Variants in PGM1 observed in about 807,000 individuals in gnomAD.
The protein encoded by PGM1 is phosphoglucomutase-1.
In PGM1, 52 loss-of-function variants were observed where a neutral mutation model predicts 55.6. The observed-to-expected ratio is 0.94, with a 90% CI of 0.75 to 1.18. PGM1 has a LOEUF of 1.18. Among genes scored for constraint, PGM1 ranks in the 50% most tolerant of loss-of-function variants. The pLI is 0.00. For synonymous variants in PGM1, 287 were observed against 271.7 expected, an observed-to-expected ratio of 1.06 and a Z score of -0.55; for missense variants, 724 against 729.3, an observed-to-expected ratio of 0.99 and a Z score of 0.08.
intron 7 of PGM1, among the ~76,000 whole-genome samples, chr1:63,641,647 A>T (rs961912308): frequency 6.6e-6 from 1 of 152,184 alleles, no homozygotes; most frequent in African/African-American, 2.4e-5. Flanking sequence ...GAGTGGGCCA[A>T]ATCCCCTGAT....
chr1:63,626,590 G>T (rs1469942505), intron 1 of PGM1, among the ~76,000 whole-genome samples: 1 of 147,410 alleles, frequency 6.8e-6, no homozygotes, highest in East Asian at 2.0e-4. Flanking sequence ...TTATCCTTAT[G>T]ACCTGGCAGT....
intron 1 of PGM1, among the ~76,000 whole-genome samples, chr1:63,609,320 A>G (rs1648506196): frequency 6.6e-6 from 1 of 152,226 alleles, no homozygotes; most frequent in African/African-American, 2.4e-5. Flanking sequence ...AGCTGCAAGA[A>G]ATGTATGCTG....
intron 1 of PGM1, among the ~76,000 whole-genome samples, chr1:63,594,449 CG>C (rs1647978096): frequency 6.6e-6 from 1 of 151,964 alleles, no homozygotes; most frequent in Non-Finnish European, 1.5e-5. Flanking sequence ...GTTCCACCGA[CG>C]GGGCTGGAGC....
At chr1:63,607,979 A>G (rs1026443951) in intron 1 of PGM1, among the ~76,000 whole-genome samples, 1 of 152,216 alleles carries the variant, frequency 6.6e-6, no homozygotes, top group Non-Finnish European at 1.5e-5. Context: ...TTCTCAAAGG[A>G]TGAGATTTGT....
At chr1:63,628,059 A>T (rs1211719704) in intron 1 of PGM1, among the ~76,000 whole-genome samples, 1 of 152,210 alleles carries the variant, frequency 6.6e-6, no homozygotes, top group Non-Finnish European at 1.5e-5. Flanking sequence ...GGGCAGGATC[A>T]TGATAACTCT....
At chr1:63,618,690 A>G (rs1280165178) in intron 1 of PGM1, among the ~76,000 whole-genome samples, 1 of 152,170 alleles carries the variant, frequency 6.6e-6, no homozygotes, top group Non-Finnish European at 1.5e-5. Context: ...TTACCTTTCC[A>G]GTTGAATTGG....
chr1:63,609,522 C>T (rs1265051152), intron 1 of PGM1, among the ~76,000 whole-genome samples: 1 of 152,154 alleles, frequency 6.6e-6, no homozygotes, highest in Non-Finnish European at 1.5e-5. Context: ...GGTGCGAATT[C>T]TATTACAGTC....
intron 7 of PGM1, among the ~76,000 whole-genome samples, chr1:63,647,970 G>T (rs757588051): frequency 6.6e-6 from 1 of 152,138 alleles, no homozygotes; most frequent in Non-Finnish European, 1.5e-5. Flanking sequence ...ACTTTGGGAA[G>T]CATCAATTTC....
chr1:63,596,448 G>A (rs1024905521), intron 1 of PGM1, among the ~76,000 whole-genome samples: 1 of 151,522 alleles, frequency 6.6e-6, no homozygotes, highest in Non-Finnish European at 1.5e-5. Flanking sequence ...GTAGAGATGA[G>A]GTTTCACCAT....
Position 63,633,320 on chromosome 1 carries a change from TGAG to T in PGM1, c.683-1504_683-1502del, listed in dbSNP as rs1424246987. On this transcript the variant is annotated intron_variant, in intron 4 of 10. Transcript: ENST00000371084. The stretch of plus-strand genomic sequence containing the variant: ...TGGGCTGGCTGGATAATGGGGCATG[TGAG>T]GAGGGCATTGGGTAAGAGGAGCTTC... Among the ~76,000 whole-genome samples, 5 of 152,280 alleles carry T rather than the reference TGAG, an allele frequency of 3.3e-5. No individual in the cohort carries two copies. The South Asian group carries it at 6.2e-4, about 19-fold the overall frequency.
intron 1 of PGM1, among the ~76,000 whole-genome samples, chr1:63,624,812 C>G (rs1158294083): frequency 6.6e-6 from 1 of 152,090 alleles, no homozygotes; most frequent in South Asian, 2.1e-4. Context: ...TAAAGCAAAA[C>G]AAAATAAAAT....
At chr1:63,598,487 G>A (rs1194042440) in intron 1 of PGM1, among the ~76,000 whole-genome samples, 1 of 152,060 alleles carries the variant, frequency 6.6e-6, no homozygotes, top group Non-Finnish European at 1.5e-5. Flanking sequence ...TGAGACGTCT[G>A]CAATCTCAGT....
chr1:63,617,561 G>T (rs1472402005), intron 1 of PGM1, among the ~76,000 whole-genome samples: 2 of 151,810 alleles, frequency 1.3e-5, no homozygotes, highest in Admixed American at 1.3e-4. Context: ...ACCAAAATTA[G>T]CAGGGCATGG....
intron 4 of PGM1, among the ~76,000 whole-genome samples, chr1:63,633,932 A>ATAT (rs1649284557): frequency 1.7e-4 from 6 of 35,360 alleles, no homozygotes; most frequent in Admixed American, 4.1e-4. Flanking sequence ...ATATATATAT[A>ATAT]TTTTTTTTTT....
chr1:63,615,956 T>G (rs1264901622), intron 1 of PGM1, among the ~76,000 whole-genome samples: 1 of 152,004 alleles, frequency 6.6e-6, no homozygotes. Flanking sequence ...CAGAGGTGAG[T>G]GAAGCACTGC....
intron 9 of PGM1, among the ~76,000 whole-genome samples, chr1:63,652,191 G>C (rs1452862618): frequency 6.6e-6 from 1 of 152,200 alleles, no homozygotes; most frequent in African/African-American, 2.4e-5. Context: ...GAAAGAGGGA[G>C]AACTGTGGGA....
At chr1:63,645,068 C>T (rs928234104) in intron 7 of PGM1, among the ~76,000 whole-genome samples, 2 of 152,182 alleles carry the variant, frequency 1.3e-5, no homozygotes, top group African/African-American at 4.8e-5. Flanking sequence ...CTCCAACTTC[C>T]TGAGTATTAA....
Position 63,629,401 on chromosome 1 carries a change from T to G in PGM1, c.247-24T>G, listed in dbSNP as rs771288651. On this transcript the variant is annotated intron_variant, in intron 1 of 10. Coordinates refer to ENST00000371084, the MANE Select transcript of PGM1 (RefSeq NM_002633.3). ...CTCTGGATGTATTGATGTTAAAGAGTGTGTTCTGGATTTCTTCTCCTAGAT... is the reference window on the plus strand; with the variant it reads ...CTCTGGATGTATTGATGTTAAAGAGGGTGTTCTGGATTTCTTCTCCTAGAT... 3.7e-6 allele frequency: 6 copies of G among 1,608,200 alleles called. No individual in the cohort carries two copies. The Admixed American group carries it at 5.0e-5, about 13-fold the overall frequency.
chr1:63,639,559 C>T (rs1426779283), intron 7 of PGM1, among the ~76,000 whole-genome samples: 1 of 152,022 alleles, frequency 6.6e-6, no homozygotes, highest in African/African-American at 2.4e-5. Flanking sequence ...AGGTGTGTGG[C>T]CCTGTCCCAT....
Sources: gnomAD v4.1 joint callset for allele counts (sites outside exome capture counted in the v4.1 genomes callset) on GRCh38, gnomAD v4.1.1 for gene constraint, MANE v1.5 for transcripts, NCBI Gene and HGNC (gene_info 2026-07-23, HGNC 2026-07-21) for gene names.